The following CALD1 variants were observed in gnomAD, a reference collection of about 807,000 sequenced individuals.
The protein encoded by CALD1 is caldesmon.
In CALD1, 33 loss-of-function variants were observed where a neutral mutation model predicts 99.9. That is an observed-to-expected ratio of 0.33 (90% CI 0.25 to 0.44). The LOEUF (loss-of-function observed/expected upper bound fraction) is 0.44. Ranked by LOEUF, CALD1 falls within the 20% of genes least tolerant of loss-of-function variation. CALD1 has a pLI of 1.00. For missense variants in CALD1, 861 were observed against 962.1 expected (o/e 0.89, Z 1.39); for synonymous variants, 310 against 325.0 (o/e 0.95, Z 0.50).
Position 134,920,622 on chromosome 7 carries a change from T to C in CALD1, c.72-8132T>C, listed in dbSNP as rs576695135. The C allele has an allele frequency of 2.5e-4, 318 of 1,289,296 alleles. 1 individual carries two copies. The African/African-American group carries it at 3.3e-3, about 13-fold the overall frequency. 79.9% of individuals were successfully genotyped at this position (1,289,296 alleles called of 1,614,324 possible). On this transcript the variant is annotated intron_variant, in intron 3 of 14. Transcript: ENST00000361675. ...GCCTGAAATCTCCATCGACCAACACTGCCTTCTCTCAAATGACTTCTTATA... is the reference window on the plus strand; with the variant it reads ...GCCTGAAATCTCCATCGACCAACACCGCCTTCTCTCAAATGACTTCTTATA...
chr7:134,891,559 ACCGCCCGGCCTGG>A (rs1802172277), intron 3 of CALD1: 1 of 1,565,206 alleles, frequency 6.4e-7, no homozygotes. Context: ...CCACGCCCTG[ACCGCCCGGCCTGG>A]CCAGGTCTCC....
intron 1 of CALD1, among the ~76,000 whole-genome samples, chr7:134,806,841 G>T (rs1321694500): frequency 6.6e-6 from 1 of 152,040 alleles, no homozygotes; most frequent in African/African-American, 2.4e-5. Context: ...GGTCAAAGGA[G>T]AATTTTTTTC....
intron 1 of CALD1, among the ~76,000 whole-genome samples, chr7:134,768,348 T>A (rs2131619854): frequency 6.6e-6 from 1 of 152,326 alleles, no homozygotes; most frequent in South Asian, 2.1e-4. Flanking sequence ...GGCTCTCATT[T>A]CATCTGCACC....
chr7:134,848,097 G>T (rs35820472), intron 2 of CALD1, among the ~76,000 whole-genome samples: 1 of 143,268 alleles, frequency 7.0e-6, no homozygotes, highest in Admixed American at 7.0e-5. Context: ...ACAGTCTGGG[G>T]AAAAAAAAAA....
chr7:134,752,793 G>T (rs1796695842), intron 1 of CALD1, among the ~76,000 whole-genome samples: 1 of 152,010 alleles, frequency 6.6e-6, no homozygotes, highest in African/African-American at 2.4e-5. Flanking sequence ...CGGAGGTAAG[G>T]AGTTCGAGAC....
chr7:134,947,539 A>G lies in CALD1; in HGVS notation c.1564A>G (p.Lys522Glu). The change falls in exon 8 of 15, where the codon AAG becomes GAG. Residue 522 changes from lysine (K) to glutamate (E), a missense_variant. Physicochemically the swap from Lys to Glu is moderately conservative, Grantham distance 56. This residue lies in a region of CALD1 where 293 missense variants were observed against 262.7 expected (regional missense o/e 1.12). Coordinates refer to ENST00000361675, the MANE Select transcript of CALD1 (RefSeq NM_033138.4). Reference sequence around the variant, plus strand: ...TGGAGGGAGGGCCAGCGTGGACACCAAGGAGGCTGAGGGCGCCCCCCAGGT... The same window carrying G: ...TGGAGGGAGGGCCAGCGTGGACACCGAGGAGGCTGAGGGCGCCCCCCAGGT... ...RPGGRASVDT[K>E]EAEGAPQVEA... 1 of 1,566,352 alleles carries G rather than the reference A, an allele frequency of 6.4e-7. No homozygotes were observed. Among genetic ancestry groups the G allele is most frequent in the Non-Finnish European group, 8.7e-7 (1 of 1,155,192 alleles).
chr7:134,772,624 C>T (rs1006219344), intron 1 of CALD1, among the ~76,000 whole-genome samples: 1 of 152,106 alleles, frequency 6.6e-6, no homozygotes, highest in Non-Finnish European at 1.5e-5. Flanking sequence ...TACATTCTTA[C>T]GATTGTGGTA....
the CALD1 span, among the ~76,000 whole-genome samples, chr7:134,725,273 T>G: frequency 6.6e-6 from 1 of 152,194 alleles, no homozygotes; most frequent in Non-Finnish European, 1.5e-5. Flanking sequence ...TTGACAGTGA[T>G]ATCTCTCCTC....
chr7:134,912,024 C>T (rs761382415), intron 3 of CALD1, among the ~76,000 whole-genome samples: 5 of 150,758 alleles, frequency 3.3e-5, no homozygotes, highest in Non-Finnish European at 5.9e-5. Context: ...AGCGGGGTCT[C>T]GGTAAAAATG....
chr7:134,903,728 T>C (rs1226243318), intron 3 of CALD1, among the ~76,000 whole-genome samples: 1 of 152,108 alleles, frequency 6.6e-6, no homozygotes, highest in African/African-American at 2.4e-5. Context: ...ATCAGTCATA[T>C]TGGATTAGAA....
intron 1 of CALD1, among the ~76,000 whole-genome samples, chr7:134,816,370 A>C (rs1177300340): frequency 6.6e-6 from 1 of 152,198 alleles, no homozygotes; most frequent in Non-Finnish European, 1.5e-5. Flanking sequence ...TTATTGAAGG[A>C]AATTGCTAGA....
intron 9 of CALD1, among the ~76,000 whole-genome samples, chr7:134,951,715 T>A (rs1807353434): frequency 6.6e-6 from 1 of 152,074 alleles, no homozygotes; most frequent in African/African-American, 2.4e-5. Flanking sequence ...ATCAGCTGAG[T>A]CAGGGAGATG....
chr7:134,955,794 TTTTA>T (rs1285465157), intron 9 of CALD1, among the ~76,000 whole-genome samples: 24 of 152,246 alleles, frequency 1.6e-4, no homozygotes, highest in African/African-American at 5.8e-4. Flanking sequence ...AATAGCACTA[TTTTA>T]TTTATTAGTA....
chr7:134,834,009 G>A (rs1319526093), intron 1 of CALD1, among the ~76,000 whole-genome samples: 1 of 152,208 alleles, frequency 6.6e-6, no homozygotes, highest in East Asian at 1.9e-4. Flanking sequence ...CCAGTTGAAT[G>A]AATATCAAGT....
intron 1 of CALD1, among the ~76,000 whole-genome samples, chr7:134,792,014 C>T (rs574162362): frequency 6.6e-6 from 1 of 152,196 alleles, no homozygotes; most frequent in Non-Finnish European, 1.5e-5. Flanking sequence ...TCCACCTGGC[C>T]CTGCCCTTGA....
chr7:134,925,524 G>A (rs2132862122), intron 3 of CALD1, among the ~76,000 whole-genome samples: 1 of 152,266 alleles, frequency 6.6e-6, no homozygotes, highest in African/African-American at 2.4e-5. Context: ...CATAGCTGGG[G>A]AGGCCTCAGG....
intron 3 of CALD1, among the ~76,000 whole-genome samples, chr7:134,872,348 A>G (rs62479550): frequency 7.6e-6 from 1 of 131,750 alleles, no homozygotes; most frequent in East Asian, 2.2e-4. Flanking sequence ...ACGGAGTGAG[A>G]CTCGGTCTCA....
rs146837531 is a variant in CALD1, at chr7:134,794,270, T to C, written c.-130+14521T>C. Among the ~76,000 whole-genome samples the C allele has an allele frequency of 6.9e-3, 1,055 of 152,330 alleles. 17 individuals are homozygous for C. The highest frequency in any genetic ancestry group is 0.023 in the African/African-American group (964 of 41,566). On this transcript the variant is annotated intron_variant, in intron 1 of 14. Coordinates refer to ENST00000361675, the MANE Select transcript of CALD1 (RefSeq NM_033138.4). ...CTGTTACTGTTACGGAGGCATGTTCTGTGTATGTGTCTAGGCTCGCACGGG... is the reference window on the plus strand; with the variant it reads ...CTGTTACTGTTACGGAGGCATGTTCCGTGTATGTGTCTAGGCTCGCACGGG...
intron 1 of CALD1, among the ~76,000 whole-genome samples, chr7:134,766,374 G>A (rs1796827167): frequency 6.6e-6 from 1 of 151,866 alleles, no homozygotes. Flanking sequence ...TCGAACTCCT[G>A]ACCTCGGGTG....
Sources: gnomAD v4.1 joint callset for allele counts (sites outside exome capture counted in the v4.1 genomes callset) on GRCh38, gnomAD v4.1.1 for gene constraint, gnomAD v4.1.1 regional missense constraint, MANE v1.5 for transcripts, NCBI Gene and HGNC (gene_info 2026-07-23, HGNC 2026-07-21) for gene names.